The following CDH8 variants were observed in gnomAD, a reference collection of about 807,000 sequenced individuals.
CDH8 encodes the protein cadherin 8.
A neutral mutation model predicts 68.1 loss-of-function variants in CDH8; 17 were observed. The observed-to-expected ratio is 0.25, with a 90% CI of 0.17 to 0.37. The LOEUF (loss-of-function observed/expected upper bound fraction) is 0.37. CDH8 is among the 10% of genes least tolerant of loss of function. The pLI is 1.00. For missense variants in CDH8, 763 were observed against 999.3 expected (o/e 0.76, Z 3.19); for synonymous variants, 372 against 365.1 (o/e 1.02, Z -0.21).
chr16:61,647,764 CTT>C lies in CDH8; in HGVS notation c.*5842_*5843del. 1.4e-6 allele frequency: 1 copy of C among 697,712 alleles called. No individual in the cohort carries two copies. 43.2% of individuals were successfully genotyped at this position (697,712 alleles called of 1,614,324 possible). ...GAAATCCCAAGAAATTAACATTTGG[CTT>C]TGGTGACCTCTCATTTCCTTTTCTG... On this transcript the variant is annotated 3_prime_UTR_variant, in exon 12 of 12. Transcript: ENST00000577390.
At chr16:61,829,387 A>G (rs1962409591) in intron 4 of CDH8, among the ~76,000 whole-genome samples, 1 of 151,798 alleles carries the variant, frequency 6.6e-6, no homozygotes, top group Non-Finnish European at 1.5e-5. Flanking sequence ...AATTCTCCTC[A>G]ATTGCCTCTT....
At chr16:61,718,117 T>C (rs1196579986) in intron 9 of CDH8, among the ~76,000 whole-genome samples, 4 of 151,376 alleles carry the variant, frequency 2.6e-5, no homozygotes. Context: ...CAAAACCTTG[T>C]AGATATTTAT....
chr16:61,918,728 G>A (rs1326886251), intron 2 of CDH8: 20 of 155,120 alleles, frequency 1.3e-4, no homozygotes, highest in Admixed American at 3.9e-4. Context: ...AGGCGGCAGC[G>A]AGGCTGGGGG....
intron 1 of CDH8, among the ~76,000 whole-genome samples, chr16:62,026,438 C>A (rs1265871004): frequency 6.6e-6 from 1 of 152,132 alleles, no homozygotes; most frequent in Non-Finnish European, 1.5e-5. Context: ...CTACAGAAGA[C>A]CAGCTCGCAG....
intron 10 of CDH8, among the ~76,000 whole-genome samples, chr16:61,687,037 T>A (rs1964122788): frequency 6.6e-6 from 1 of 151,956 alleles, no homozygotes; most frequent in African/African-American, 2.4e-5. Flanking sequence ...TTATATAATA[T>A]CCTTTACTAC....
chr16:61,857,300 A>G, intron 3 of CDH8, 62 bp from the exon 4 acceptor site: 1 of 1,437,878 alleles, frequency 7.0e-7, no homozygotes, highest in Non-Finnish European at 9.6e-7. Flanking sequence ...CAAGAGCTAC[A>G]TTTTGTCAAG....
At chr16:61,760,738 AG>A (rs1464620069) in intron 8 of CDH8, among the ~76,000 whole-genome samples, 2 of 152,228 alleles carry the variant, frequency 1.3e-5, no homozygotes, top group African/African-American at 4.8e-5. Context: ...TTGTCATATT[AG>A]TTATGTATAG....
chr16:61,826,304 G>A (rs192466586), intron 4 of CDH8, among the ~76,000 whole-genome samples: 33 of 151,908 alleles, frequency 2.2e-4, no homozygotes, highest in African/African-American at 7.7e-4. Flanking sequence ...TTCTCATATT[G>A]ATAAATATTG....
intron 8 of CDH8, among the ~76,000 whole-genome samples, chr16:61,778,999 A>C (rs1184155011): frequency 6.6e-6 from 1 of 152,208 alleles, no homozygotes; most frequent in African/African-American, 2.4e-5. Flanking sequence ...ATTTGCAATA[A>C]TGTGTGCAGC....
intron 5 of CDH8, among the ~76,000 whole-genome samples, chr16:61,822,086 T>A (rs1596997014): frequency 6.6e-6 from 1 of 151,856 alleles, no homozygotes; most frequent in African/African-American, 2.4e-5. Flanking sequence ...GGTCTCTCCA[T>A]TCTGTGGCAG....
At chr16:61,989,136 C>T (rs1219382356) in intron 2 of CDH8, among the ~76,000 whole-genome samples, 3 of 152,156 alleles carry the variant, frequency 2.0e-5, no homozygotes, top group Non-Finnish European at 4.4e-5. Flanking sequence ...TTGGCTTAGA[C>T]ACTAGTTCTA....
chr16:61,996,196 A>G (rs945339710), intron 2 of CDH8, among the ~76,000 whole-genome samples: 1 of 151,864 alleles, frequency 6.6e-6, no homozygotes, highest in African/African-American at 2.4e-5. Context: ...AGGTCATCCA[A>G]CCCAATCCCC....
intron 2 of CDH8, among the ~76,000 whole-genome samples, chr16:61,916,954 T>G (rs1283490311): frequency 6.6e-6 from 1 of 152,096 alleles, no homozygotes; most frequent in African/African-American, 2.4e-5. Flanking sequence ...AGAAATAAAT[T>G]GATTTTTAAT....
Position 61,825,637 on chromosome 16 carries a change from G to C in CDH8, c.668-458C>G, listed in dbSNP as rs370408200. On this transcript the variant is annotated intron_variant, in intron 4 of 11. Coordinates refer to ENST00000577390, the MANE Select transcript of CDH8 (RefSeq NM_001796.5). ...TATTCTGAAGTTCACAGATACATTTGAGAGATGAAATAAATAAATGTGTCA... is the reference window on the plus strand; with the variant it reads ...TATTCTGAAGTTCACAGATACATTTCAGAGATGAAATAAATAAATGTGTCA... 5.9e-5 allele frequency among the ~76,000 whole-genome samples: 9 copies of C among 151,888 alleles called. No homozygotes were observed. The East Asian group carries it at 1.6e-3, about 26-fold the overall frequency.
intron 2 of CDH8, among the ~76,000 whole-genome samples, chr16:61,931,574 T>C (rs1467512248): frequency 6.6e-6 from 1 of 152,166 alleles, no homozygotes; most frequent in Non-Finnish European, 1.5e-5. Context: ...CTTGTCACAC[T>C]GCTGAGCCAC....
intron 2 of CDH8, among the ~76,000 whole-genome samples, chr16:62,000,834 A>G (rs1965881853): frequency 6.6e-6 from 1 of 152,206 alleles, no homozygotes; most frequent in African/African-American, 2.4e-5. Context: ...TAGTATTACT[A>G]CTAGTATTAG....
Position 61,651,980 on chromosome 16 carries a change from C to A in CDH8, c.*1628G>T. On this transcript the variant is annotated 3_prime_UTR_variant, in exon 12 of 12. Coordinates refer to ENST00000577390, the MANE Select transcript of CDH8 (RefSeq NM_001796.5). ...GATGATTCTGTTAATAGATCTTCCA[C>A]TGATTGAAAAAAAAATTAATGACAA... 1.6e-6 allele frequency: 1 copy of A among 638,382 alleles called. No individual in the cohort carries two copies. Among genetic ancestry groups the A allele is most frequent in the Non-Finnish European group, 1.9e-6 (1 of 514,128 alleles). 39.5% of individuals were successfully genotyped at this position (638,382 alleles called of 1,614,324 possible). A position where few individuals can be genotyped will look rare whatever the true frequency, so the allele number is the denominator to read the frequency against.
chr16:61,736,335 T>A (rs1421483294), intron 8 of CDH8, among the ~76,000 whole-genome samples: 5 of 152,130 alleles, frequency 3.3e-5, no homozygotes, highest in Non-Finnish European at 2.9e-5. Flanking sequence ...AGGACAAGTA[T>A]TGTTTTATAT....
chr16:62,014,075 T>G (rs1901880866), intron 2 of CDH8, among the ~76,000 whole-genome samples: 1 of 151,872 alleles, frequency 6.6e-6, no homozygotes, highest in Admixed American at 6.6e-5. Context: ...AGGGTGAGAG[T>G]CTGGAGCTAC....
Sources: gnomAD v4.1 joint callset for allele counts (sites outside exome capture counted in the v4.1 genomes callset) on GRCh38, gnomAD v4.1.1 for gene constraint, MANE v1.5 for transcripts, NCBI Gene and HGNC (gene_info 2026-07-23, HGNC 2026-07-21) for gene names.